RALGAPA1: variants seen among roughly 807,000 people sequenced by gnomAD.
The protein encoded by RALGAPA1 is ral GTPase-activating protein subunit alpha-1.
RALGAPA1 carries 52 observed loss-of-function variants against 269.6 expected under a neutral mutation model. That is an observed-to-expected ratio of 0.19 (90% CI 0.15 to 0.24). RALGAPA1 has a LOEUF of 0.24. RALGAPA1 is among the 10% of genes least tolerant of loss of function. RALGAPA1 has a pLI of 1.00. For synonymous variants in RALGAPA1, 817 were observed against 1,008.3 expected (o/e 0.81, Z 3.60); for missense variants, 1,917 against 3,013.9 (o/e 0.64, Z 8.52).
In RALGAPA1 at chr14:35,677,934, A is replaced by G. The variant is rs542520750; in HGVS notation, c.4624+16T>C. ...CCTAAAAGAAAAAAGGTAAATATCTAATTTTGAAATATTGCCTAGATCATC... is the reference window on the plus strand; with the variant it reads ...CCTAAAAGAAAAAAGGTAAATATCTGATTTTGAAATATTGCCTAGATCATC... On this transcript the variant is annotated intron_variant, in intron 22 of 41. Coordinates refer to ENST00000680220, the MANE Select transcript of RALGAPA1 (RefSeq NM_001346249.2). 17 of 1,610,890 alleles carry G rather than the reference A, an allele frequency of 1.1e-5. 1 individual carries two copies. The South Asian group carries it at 1.7e-4, about 16-fold the overall frequency.
At chr14:35,608,925 T>C (rs1015796014) in intron 35 of RALGAPA1, among the ~76,000 whole-genome samples, 2 of 152,178 alleles carry the variant, frequency 1.3e-5, no homozygotes, top group East Asian at 1.9e-4. Flanking sequence ...ACTTACAGGA[T>C]AGACCATAAA....
At chr14:35,637,584 G>C (rs1224990095) in intron 31 of RALGAPA1, among the ~76,000 whole-genome samples, 1 of 152,100 alleles carries the variant, frequency 6.6e-6, no homozygotes, top group African/African-American at 2.4e-5. Context: ...AACTAGAAAA[G>C]AGCATCAAAA....
chr14:35,695,416 T>A (rs2066824495), intron 17 of RALGAPA1, among the ~76,000 whole-genome samples: 1 of 152,184 alleles, frequency 6.6e-6, no homozygotes, highest in Admixed American at 6.5e-5. Context: ...AGGAAAAGGA[T>A]AGGCCTGTGA....
At chr14:35,694,653 T>A (rs2140512133) in intron 17 of RALGAPA1, among the ~76,000 whole-genome samples, 1 of 152,298 alleles carries the variant, frequency 6.6e-6, no homozygotes, top group African/African-American at 2.4e-5. Context: ...TTTTCCTGAT[T>A]TTAAAATTTT....
intron 6 of RALGAPA1, among the ~76,000 whole-genome samples, chr14:35,757,734 A>C (rs1032978646): frequency 7.2e-5 from 11 of 152,196 alleles, no homozygotes; most frequent in African/African-American, 2.4e-4. Context: ...GTCAACCCAC[A>C]ACTAGCTGAA....
chr14:35,654,527 T>A, intron 29 of RALGAPA1, 50 bp from the exon 30 acceptor site: 2 of 1,538,586 alleles, frequency 1.3e-6, no homozygotes, highest in Admixed American at 2.1e-5. Flanking sequence ...GAACTTTTCA[T>A]CAATGTATTA....
intron 3 of RALGAPA1, 115 bp from the exon 4 acceptor site, chr14:35,771,114 C>T (rs766000136): frequency 2.7e-4 from 114 of 426,216 alleles, no homozygotes; most frequent in Non-Finnish European, 4.4e-4. Context: ...ACAAAATAGG[C>T]CGGGCACGGT....
At chr14:35,799,368 C>A (rs562217238) in intron 1 of RALGAPA1, among the ~76,000 whole-genome samples, 13 of 152,004 alleles carry the variant, frequency 8.6e-5, no homozygotes, top group Non-Finnish European at 1.9e-4. Context: ...TCGAGACCAG[C>A]CTGGCCAACA....
At chr14:35,594,500 A>G (rs1324195122) in intron 37 of RALGAPA1, among the ~76,000 whole-genome samples, 1 of 152,142 alleles carries the variant, frequency 6.6e-6, no homozygotes, top group Non-Finnish European at 1.5e-5. Context: ...TTGAGGACCT[A>G]AACAGACATT....
At chr14:35,620,029 A>G (rs2060509621) in intron 35 of RALGAPA1, among the ~76,000 whole-genome samples, 1 of 152,226 alleles carries the variant, frequency 6.6e-6, no homozygotes, top group Non-Finnish European at 1.5e-5. Flanking sequence ...TTATGAGGCC[A>G]ACATCATCCT....
intron 16 of RALGAPA1, among the ~76,000 whole-genome samples, chr14:35,719,843 T>C (rs2069216068): frequency 6.6e-6 from 1 of 152,052 alleles, no homozygotes; most frequent in Admixed American, 6.6e-5. Flanking sequence ...CTCTGCCGCC[T>C]GGGTTCAAGC....
At chr14:35,753,922 TA>T (rs752345769) in intron 7 of RALGAPA1, among the ~76,000 whole-genome samples, 41 of 152,142 alleles carry the variant, frequency 2.7e-4, no homozygotes, top group Non-Finnish European at 5.1e-4. Flanking sequence ...CAATGGATCC[TA>T]AAACATGTGA....
intron 39 of RALGAPA1, among the ~76,000 whole-genome samples, chr14:35,553,060 T>G (rs1470293226): frequency 6.6e-6 from 1 of 152,200 alleles, no homozygotes; most frequent in African/African-American, 2.4e-5. Context: ...GGGATACATC[T>G]GTAAGTTAAG....
intron 16 of RALGAPA1, among the ~76,000 whole-genome samples, chr14:35,721,188 A>AT (rs1281441918): frequency 1.3e-5 from 2 of 152,078 alleles, no homozygotes; most frequent in East Asian, 1.9e-4. Flanking sequence ...ACTTTCTTCC[A>AT]TTTTTTGTTA....
At chr14:35,741,157 T>A (rs1477324899) in intron 11 of RALGAPA1, among the ~76,000 whole-genome samples, 9 of 152,114 alleles carry the variant, frequency 5.9e-5, no homozygotes, top group African/African-American at 2.2e-4. Flanking sequence ...ATGTAGATAG[T>A]TTATATTATC....
chr14:35,785,628 A>G (rs558285729), intron 1 of RALGAPA1, among the ~76,000 whole-genome samples: 5 of 152,292 alleles, frequency 3.3e-5, no homozygotes, highest in African/African-American at 1.2e-4. Context: ...TTAAATTCCA[A>G]TTTGTCACAG....
At chr14:35,681,324 G>A (rs1305416945) in intron 21 of RALGAPA1, among the ~76,000 whole-genome samples, 1 of 152,154 alleles carries the variant, frequency 6.6e-6, no homozygotes, top group African/African-American at 2.4e-5. Context: ...TAATGGTACT[G>A]ATTAAGATTA....
chr14:35,613,371 C>T (rs2060071505), intron 35 of RALGAPA1, among the ~76,000 whole-genome samples: 1 of 152,146 alleles, frequency 6.6e-6, no homozygotes, highest in Non-Finnish European at 1.5e-5. Flanking sequence ...TGTGAGCCTC[C>T]ACGCCCAGTC....
At chr14:35,798,703 A>C (rs1170456979) in intron 1 of RALGAPA1, among the ~76,000 whole-genome samples, 22 of 152,348 alleles carry the variant, frequency 1.4e-4, no homozygotes, top group Non-Finnish European at 1.5e-5. Context: ...ACTGAATAGA[A>C]ATATCGGCTG....
Sources: gnomAD v4.1 joint callset for allele counts (sites outside exome capture counted in the v4.1 genomes callset) on GRCh38, gnomAD v4.1.1 for gene constraint, MANE v1.5 for transcripts, NCBI Gene and HGNC (gene_info 2026-07-23, HGNC 2026-07-21) for gene names.